ANKH: variants seen among roughly 807,000 people sequenced by gnomAD.
ANKH encodes mineralization regulator ANKH.
Under a neutral mutation model 49.0 loss-of-function variants are expected in ANKH, and 15 were observed. The ratio of observed to expected loss-of-function variants is 0.31; its 90% CI spans 0.20 to 0.47. The LOEUF (loss-of-function observed/expected upper bound fraction) is 0.47. Ranked by LOEUF, ANKH falls within the 20% of genes least tolerant of loss-of-function variation. The pLI is 1.00. For synonymous variants in ANKH, 273 were observed against 260.0 expected (o/e 1.05, Z -0.48); for missense variants, 429 against 652.0 (o/e 0.66, Z 3.72).
rs1737786984 is a variant in ANKH at position 14,725,187 on chromosome 5, G to GT, written c.1012-8353dup. On this transcript the variant is annotated intron_variant, in intron 8 of 11. Coordinates refer to ENST00000284268, the MANE Select transcript of ANKH (RefSeq NM_054027.6). The surrounding 1 kb of genome is among the most constrained non-coding windows in gnomAD (Gnocchi z 4.0). ...GCCGGGCTGGCACTCCAACCCAGCT[G>GT]TGTCTCTGTCTGTTGTCTCTAGGTG... 6.6e-6 allele frequency among the ~76,000 whole-genome samples: 1 copy of GT among 152,224 alleles called. No homozygotes were observed. Among genetic ancestry groups the GT allele is most frequent in the Admixed American group, 6.5e-5 (1 of 15,290 alleles).
chr5:14,765,000 C>G (rs1164353377), intron 2 of ANKH, among the ~76,000 whole-genome samples: 2 of 152,208 alleles, frequency 1.3e-5, no homozygotes, highest in African/African-American at 2.4e-5. Flanking sequence ...CTAATTTCCA[C>G]GCACGTGAAA....
intron 1 of ANKH, among the ~76,000 whole-genome samples, chr5:14,773,630 C>T (rs1007007678): frequency 4.6e-5 from 7 of 152,140 alleles, no homozygotes; most frequent in African/African-American, 2.4e-5. Flanking sequence ...ATCACTTAAG[C>T]GCTGAGTGGC....
At chr5:14,771,929 A>C (rs1305634541) in intron 1 of ANKH, among the ~76,000 whole-genome samples, 1 of 135,878 alleles carries the variant, frequency 7.4e-6, no homozygotes. Flanking sequence ...AAGAAAAAAA[A>C]AAAAAAAAAA....
intron 8 of ANKH, among the ~76,000 whole-genome samples, chr5:14,720,571 C>G (rs767644280): frequency 3.3e-5 from 5 of 152,168 alleles, no homozygotes; most frequent in Non-Finnish European, 7.3e-5. Context: ...ATATTGGGCC[C>G]CCAATATGTC....
intron 1 of ANKH, among the ~76,000 whole-genome samples, chr5:14,814,984 C>A (rs1224398262): frequency 6.6e-6 from 1 of 152,178 alleles, no homozygotes; most frequent in African/African-American, 2.4e-5. Flanking sequence ...TTTAACAGAG[C>A]GTTTGCCCTT....
chr5:14,764,333 C>T (rs706292), intron 2 of ANKH, among the ~76,000 whole-genome samples: 48,946 of 151,906 alleles, frequency 0.32, 8,060 homozygotes, highest in African/African-American at 0.38. Flanking sequence ...ATGTGTGCTT[C>T]TGTCCCTTCA....
rs559641833 is a variant in ANKH at position 14,823,745 on chromosome 5, G to A, written c.96+47607C>T. On this transcript the variant is annotated intron_variant, in intron 1 of 11. Transcript: ENST00000284268. ...AGTTCGAGACCAGCCTGGCCAACATGGTGAAATCCTGTCTCCACTAAAAAT... is the reference window on the plus strand; with the variant it reads ...AGTTCGAGACCAGCCTGGCCAACATAGTGAAATCCTGTCTCCACTAAAAAT... Among the ~76,000 whole-genome samples, 127 of 152,280 alleles carry A rather than the reference G, an allele frequency of 8.3e-4. 1 individual carries two copies. Among genetic ancestry groups the A allele is most frequent in the African/African-American group, 3.0e-3 (126 of 41,560 alleles).
chr5:14,727,535 C>T (rs1411204437), intron 8 of ANKH, among the ~76,000 whole-genome samples: 1 of 151,756 alleles, frequency 6.6e-6, no homozygotes, highest in Non-Finnish European at 1.5e-5. Context: ...CAGGGGGCGC[C>T]ATGCGCCAAG....
At chr5:14,856,618 C>A (rs1260944147) in intron 1 of ANKH, among the ~76,000 whole-genome samples, 1 of 90,820 alleles carries the variant, frequency 1.1e-5, no homozygotes, top group African/African-American at 4.5e-5. Flanking sequence ...TGAACCATTT[C>A]CCCTCTCCTT....
At chr5:14,764,402 G>A (rs1376542315) in intron 2 of ANKH, among the ~76,000 whole-genome samples, 1 of 152,142 alleles carries the variant, frequency 6.6e-6, no homozygotes, top group Non-Finnish European at 1.5e-5. Flanking sequence ...GAGGATGAGA[G>A]ACTATGTGGA....
Position 14,713,780 on chromosome 5 carries a change from C to T in ANKH, c.1142-113G>A. On this transcript the variant is annotated intron_variant, in intron 9 of 11. Transcript: ENST00000284268. The surrounding 1 kb of genome is among the most constrained non-coding windows in gnomAD (Gnocchi z 4.4). ...GCCAGGGGCTGCCTAGGACCCTGGC[C>T]TTGCTGTTGAGCCGCTGGCCACCTC... The T allele has an allele frequency of 6.7e-7, 1 of 1,498,772 alleles. No homozygotes were observed. The highest frequency in any genetic ancestry group is 9.2e-7 in the Non-Finnish European group (1 of 1,084,960). 92.8% of individuals were successfully genotyped at this position (1,498,772 alleles called of 1,614,324 possible). A position where few individuals can be genotyped will look rare whatever the true frequency, so the allele number is the denominator to read the frequency against.
At chr5:14,791,277 A>G (rs1356200565) in intron 1 of ANKH, among the ~76,000 whole-genome samples, 2 of 152,130 alleles carry the variant, frequency 1.3e-5, no homozygotes, top group Non-Finnish European at 2.9e-5. Context: ...CTCAGTCTGA[A>G]AGAGGTGGCC....
At chr5:14,811,916 C>A (rs1159141571) in intron 1 of ANKH, among the ~76,000 whole-genome samples, 3 of 152,122 alleles carry the variant, frequency 2.0e-5, no homozygotes, top group Non-Finnish European at 4.4e-5. Flanking sequence ...CTGAAGACCA[C>A]AGGACAAATA....
Position 14,741,917 on chromosome 5 carries a change from G to A in ANKH, c.921C>T (p.Asn307=), listed in dbSNP as rs1210775484. The part of the protein sequence containing the change: ...RAVYPAFDKN[N]PSNKLVSTSN... ...TCGTGCTCACCAGTTTGTTGCTGGGGTTATTCTGGGGAAAGAAAACCACAG... is the reference window on the plus strand; with the variant it reads ...TCGTGCTCACCAGTTTGTTGCTGGGATTATTCTGGGGAAAGAAAACCACAG... Residue 307 remains asparagine, a synonymous_variant, in exon 8 of 12, where the codon AAC becomes AAT. Transcript: ENST00000284268. 6.2e-7 allele frequency: 1 copy of A among 1,614,020 alleles called. No homozygotes were observed. The highest frequency in any genetic ancestry group is 2.2e-5 in the East Asian group (1 of 44,874).
chr5:14,764,925 G>A (rs1323093174), intron 2 of ANKH, among the ~76,000 whole-genome samples: 2 of 152,228 alleles, frequency 1.3e-5, no homozygotes, highest in East Asian at 3.8e-4. Context: ...GAATAAACGT[G>A]TAAAGAAAGT....
chr5:14,803,073 G>T (rs1740609957), intron 1 of ANKH, among the ~76,000 whole-genome samples: 1 of 152,158 alleles, frequency 6.6e-6, no homozygotes, highest in Non-Finnish European at 1.5e-5. Context: ...CATGAAATCA[G>T]TTTGATAGGT....
At chr5:14,870,455 T>C (rs1045522530) in intron 1 of ANKH, 1 of 152,166 alleles carries the variant, frequency 6.6e-6, no homozygotes, top group African/African-American at 2.4e-5. Flanking sequence ...AGAAAGACAG[T>C]ACCACAATAC....
At chr5:14,827,286 G>A (rs1325142385) in intron 1 of ANKH, among the ~76,000 whole-genome samples, 3 of 152,162 alleles carry the variant, frequency 2.0e-5, no homozygotes, top group Non-Finnish European at 2.9e-5. Flanking sequence ...AATCCTCTGA[G>A]CCAGGTATTT....
intron 1 of ANKH, among the ~76,000 whole-genome samples, chr5:14,835,980 C>T (rs1167996697): frequency 5.3e-5 from 8 of 152,132 alleles, no homozygotes; most frequent in Non-Finnish European, 1.0e-4. Flanking sequence ...AATCAATAAA[C>T]GTAATCCATC....
Sources: gnomAD v4.1 joint callset for allele counts (sites outside exome capture counted in the v4.1 genomes callset) on GRCh38, gnomAD v4.1.1 for gene constraint, Gnocchi (gnomAD v3.1) non-coding constraint, MANE v1.5 for transcripts, NCBI Gene and HGNC (gene_info 2026-07-23, HGNC 2026-07-21) for gene names.